COG4: variants seen among roughly 807,000 people sequenced by gnomAD.
COG4 encodes the protein conserved oligomeric Golgi complex subunit 4.
In COG4, 65 loss-of-function variants were observed where a neutral mutation model predicts 95.1. The ratio of observed to expected loss-of-function variants is 0.68; its 90% CI spans 0.56 to 0.84. The LOEUF is 0.84. Among genes scored for constraint, COG4 ranks in the 40% least tolerant of loss-of-function variants. The probability of loss-of-function intolerance (pLI) is 0.00; values close to 1 mark genes in which losing one functional copy is unlikely to be tolerated. For missense variants in COG4, 1,045 were observed against 989.1 expected (o/e 1.06, Z -0.76); for synonymous variants, 421 against 374.8 (o/e 1.12, Z -1.42).
Position 70,509,293 on chromosome 16 carries a change from A to C in COG4, c.940T>G (p.Cys314Gly). The change falls in exon 7 of 19, where the codon TGT (cysteine) becomes GGT (glycine). Residue 314 changes from cysteine to glycine, a missense_variant. Physicochemically the swap from Cys to Gly is radical, Grantham distance 159. Coordinates refer to ENST00000323786, the MANE Select transcript of COG4 (RefSeq NM_015386.3). ...ACCACCTTCTCCACCTGTCTGTCAC[A>C]TTCCACCTGCAGATATTTGATCAGG... ...YTLIKYLQVE[C>G]DRQVEKVVDK... 1 of 1,614,166 alleles carries C rather than the reference A, an allele frequency of 6.2e-7. No homozygotes were observed. Among genetic ancestry groups the C allele is most frequent in the Non-Finnish European group, 8.5e-7 (1 of 1,180,034 alleles).
At chr16:70,509,411 G>T (rs199646656) in intron 6 of COG4, 23 bp from the exon 7 acceptor site, 17 of 1,613,720 alleles carry the variant, frequency 1.1e-5, no homozygotes, top group Middle Eastern at 3.3e-4. Flanking sequence ...AAGCAATAGG[G>T]TTATATTCCA....
At chr16:70,489,251 CT>C (rs1442639735) in intron 13 of COG4, among the ~76,000 whole-genome samples, 1 of 150,902 alleles carries the variant, frequency 6.6e-6, no homozygotes, top group Non-Finnish European at 1.5e-5. Context: ...CAGAATCTCC[CT>C]CTGTCGCCCA....
At chr16:70,504,753 T>C (rs1322486255) in intron 8 of COG4, among the ~76,000 whole-genome samples, 3 of 150,938 alleles carry the variant, frequency 2.0e-5, no homozygotes, top group Non-Finnish European at 4.4e-5. Flanking sequence ...CTACTAAAAA[T>C]ACAAAAATTT....
chr16:70,483,032 C>CCCTTCCCTCTCCTCTCCCCACT (rs2049038705), intron 14 of COG4, among the ~76,000 whole-genome samples: 2 of 113,104 alleles, frequency 1.8e-5, no homozygotes, highest in Non-Finnish European at 3.7e-5. Flanking sequence ...CTCTCCCCAC[C>CCCTTCCCTCTCCTCTCCCCACT]CCTTCCCTCT....
At chr16:70,523,014 T>C (rs1173267623) in intron 1 of COG4, 1 of 288,864 alleles carries the variant, frequency 3.5e-6, no homozygotes, top group African/African-American at 2.2e-5. Context: ...TCATAATTTG[T>C]AAATTAAGCC....
chr16:70,486,270 T>C (rs574367345), intron 13 of COG4, among the ~76,000 whole-genome samples: 2 of 152,274 alleles, frequency 1.3e-5, no homozygotes, highest in Admixed American at 1.3e-4. Context: ...CTGAAACTCA[T>C]GTTTTGGGTT....
intron 12 of COG4, among the ~76,000 whole-genome samples, chr16:70,494,080 CT>C (rs2049295134): frequency 6.6e-6 from 1 of 152,162 alleles, no homozygotes; most frequent in Non-Finnish European, 1.5e-5. Flanking sequence ...GACAGTGCTG[CT>C]TAGGCCACTC....
At chr16:70,507,541 G>A (rs1597680109) in intron 8 of COG4, among the ~76,000 whole-genome samples, 1 of 151,968 alleles carries the variant, frequency 6.6e-6, no homozygotes, top group African/African-American at 2.4e-5. Flanking sequence ...AATGGAAATC[G>A]TCTAATGATG....
chr16:70,485,534 T>C (rs989103300), intron 13 of COG4, among the ~76,000 whole-genome samples: 2 of 150,872 alleles, frequency 1.3e-5, no homozygotes, highest in African/African-American at 2.4e-5. Context: ...AGATAAATCA[T>C]GGAGCTGGGA....
chr16:70,501,198 G>T (rs1401778123), intron 8 of COG4, 107 bp from the exon 9 acceptor site: 3 of 1,292,516 alleles, frequency 2.3e-6, no homozygotes, highest in Non-Finnish European at 3.3e-6. Flanking sequence ...GGGCCCATAA[G>T]GAAAAGCTCT....
At chr16:70,509,652 G>A (rs543392166) in intron 6 of COG4, among the ~76,000 whole-genome samples, 8 of 152,260 alleles carry the variant, frequency 5.3e-5, no homozygotes, top group African/African-American at 1.2e-4. Flanking sequence ...AGCATCACTC[G>A]CTTTCCAGTA....
intron 1 of COG4, among the ~76,000 whole-genome samples, chr16:70,520,625 G>A (rs1478964009): frequency 6.7e-6 from 1 of 149,516 alleles, no homozygotes; most frequent in Non-Finnish European, 1.5e-5. Context: ...AGAGTGAAAC[G>A]CTGTCTCAAA....
intron 13 of COG4, among the ~76,000 whole-genome samples, chr16:70,487,206 G>A (rs557774823): frequency 1.0e-4 from 15 of 150,612 alleles, no homozygotes; most frequent in Middle Eastern, 3.5e-3. Context: ...CAGGAGAATC[G>A]CAGAGGTTGC....
rs747661666 is a variant in COG4, at chr16:70,483,960, T to A, written c.1720A>T (p.Thr574Ser). ...TLKKTLESDC[T>S]KLFSQGIGGE... ...CCAATGCCCTGGCTGAAGAGCTTGG[T>A]GCAGTCACTCTAGGGGAGAACACTG... The change falls in exon 14 of 19, where the codon ACC (threonine) becomes TCC (serine). Residue 574 changes from threonine to serine, a missense_variant. By Grantham distance (58) the Thr-to-Ser change is moderately conservative. Transcript: ENST00000323786. 6 of 1,612,002 alleles carry A rather than the reference T, an allele frequency of 3.7e-6. No homozygotes were observed. Among genetic ancestry groups the A allele is most frequent in the Non-Finnish European group, 4.2e-6 (5 of 1,179,446 alleles).
At chr16:70,499,616 A>G (rs913861034) in intron 9 of COG4, among the ~76,000 whole-genome samples, 3 of 152,218 alleles carry the variant, frequency 2.0e-5, no homozygotes, top group African/African-American at 4.8e-5. Flanking sequence ...TTAAAAACCT[A>G]GCGAGTCAAT....
At chr16:70,518,515 T>C (rs1177412091) in intron 2 of COG4, among the ~76,000 whole-genome samples, 1 of 152,132 alleles carries the variant, frequency 6.6e-6, no homozygotes, top group Non-Finnish European at 1.5e-5. Flanking sequence ...CACACCACCA[T>C]GCCCAACTAA....
chr16:70,497,413 G>A (rs1169253735), intron 10 of COG4, 26 bp from the exon 11 acceptor site: 1 of 1,608,958 alleles, frequency 6.2e-7, no homozygotes, highest in African/African-American at 1.3e-5. Context: ...AGCCAACACT[G>A]AGGGTCCCAG....
chr16:70,512,550 G>A, intron 4 of COG4, 118 bp from the exon 5 acceptor site: 1 of 828,892 alleles, frequency 1.2e-6, no homozygotes, highest in South Asian at 1.4e-5. Flanking sequence ...CCATGTGCAA[G>A]ATGCTGTGCT....
In COG4 at chr16:70,490,374, C is replaced by T. The variant is rs1200515186; in HGVS notation, c.1666G>A (p.Glu556Lys). ...GTGGAGATGTTTTCACTGCAGACTT[C>T]CACGTTGTTCAGAGTCACCTGGGAG... ...MSFLVTLNNV[E>K]VCSENISTLK... Residue 556 changes from glutamate (E) to lysine (K), a missense_variant, in exon 13 of 19, where the codon GAA (glutamate) becomes AAA (lysine). Glu to Lys is a moderately conservative substitution (Grantham distance 56). Transcript: ENST00000323786. 6.2e-7 allele frequency: 1 copy of T among 1,613,874 alleles called. No individual in the cohort carries two copies.
Sources: gnomAD v4.1 joint callset for allele counts (sites outside exome capture counted in the v4.1 genomes callset) on GRCh38, gnomAD v4.1.1 for gene constraint, MANE v1.5 for transcripts, NCBI Gene and HGNC (gene_info 2026-07-23, HGNC 2026-07-21) for gene names.